TNXB: variants seen among roughly 807,000 people sequenced by gnomAD.
TNXB encodes the protein tenascin XB, also known as tenascin-X.
A neutral mutation model predicts 340.5 loss-of-function variants in TNXB; 183 were observed. That is an observed-to-expected ratio of 0.54 (90% CI 0.48 to 0.61). TNXB has a LOEUF of 0.61. TNXB is among the 20% of genes least tolerant of loss of function. The pLI is 0.00. For missense variants in TNXB, 4,613 were observed against 5,446.4 expected, an observed-to-expected ratio of 0.85 and a Z score of 4.82; for synonymous variants, 2,121 against 2,314.5, an observed-to-expected ratio of 0.92 and a Z score of 2.40.
intron 28 of TNXB, among the ~76,000 whole-genome samples, chr6:32,048,944 G>T (rs1777079666): frequency 1.3e-5 from 2 of 152,220 alleles, no homozygotes; most frequent in Admixed American, 1.3e-4. Flanking sequence ...GGCACATGCA[G>T]ATCTGGGCAG....
chr6:32,048,610 C>CT lies in TNXB; in HGVS notation c.9797_9798insA (p.Glu3267GlyfsTer24). On this transcript the variant is annotated frameshift_variant, in exon 29 of 44. Coordinates refer to ENST00000644971, the MANE Select transcript of TNXB (RefSeq NM_001365276.2). LOFTEE classifies it high-confidence loss of function. Reference sequence around the variant, plus strand: ...AGGTCACGGCCGCCACCGCCAGCTCCCCCAGGCGGGGCTCCACCGGCAGTG... The same window carrying CT: ...AGGTCACGGCCGCCACCGCCAGCTCCTCCCAGGCGGGGCTCCACCGGCAGTG... 6.5e-7 allele frequency: 1 copy of CT among 1,528,796 alleles called. No individual in the cohort carries two copies. The highest frequency in any genetic ancestry group is 8.8e-7 in the Non-Finnish European group (1 of 1,131,816). The allele number at this position is 1,528,796 out of a possible 1,614,324, so 94.7% of individuals were successfully genotyped here.
rs1322966457 is a variant in TNXB, at chr6:32,075,580, A to T, written c.4376-1628T>A. Among the ~76,000 whole-genome samples the T allele has an allele frequency of 6.6e-6, 1 of 151,836 alleles. No individual in the cohort carries two copies. The highest frequency in any genetic ancestry group is 2.4e-5 in the African/African-American group (1 of 41,298). On this transcript the variant is annotated intron_variant, in intron 11 of 43. Transcript: ENST00000644971. The surrounding 1 kb of genome is among the most constrained non-coding windows in gnomAD (Gnocchi z 4.6). ...GCTCTGCTTTTCCCCACCACTCATC[A>T]CTGTCACATCCGGTGCCACTGACAT...
rs893163518 is a variant in TNXB at position 32,074,057 on chromosome 6, C to T, written c.4376-105G>A. 4.4e-5 allele frequency: 49 copies of T among 1,119,970 alleles called. No homozygotes were observed. The African/African-American group carries it at 4.5e-4, about 10-fold the overall frequency. 69.4% of individuals were successfully genotyped at this position (1,119,970 alleles called of 1,614,324 possible). ...ATTTTTTATTTTTGAGATGGAGTCT[C>T]GCTGTCACCCAGAGCAGTGGGCGAC... On this transcript the variant is annotated intron_variant, in intron 11 of 43. Transcript: ENST00000644971. The surrounding 1 kb of genome is among the most constrained non-coding windows in gnomAD (Gnocchi z 5.5).
chr6:32,069,241 C>T lies in TNXB; in HGVS notation c.5588-105G>A, dbSNP rs567582562. On this transcript the variant is annotated intron_variant, in intron 15 of 43. Coordinates refer to ENST00000644971, the MANE Select transcript of TNXB (RefSeq NM_001365276.2). This position sits in a 1 kb window ranked among gnomAD's most constrained non-coding sequence, Gnocchi z 6.2. ...GGAGTGAGGGCAAGCAGTCAGCAAT[C>T]GAAAGACCAGCTTTTGCTGCACATG... The T allele has an allele frequency of 3.4e-6, 4 of 1,170,518 alleles. No homozygotes were observed. The highest frequency in any genetic ancestry group is 2.5e-5 in the East Asian group (1 of 39,276). The allele number at this position is 1,170,518 out of a possible 1,614,324, so 72.5% of individuals were successfully genotyped here.
rs1780035193 is a variant in TNXB, at chr6:32,090,744, C to T, written c.2359-1365G>A. ...ATAGGACCTCCAGCCCTCTCCTATT[C>T]ACCCTGCCTTAGAATACCCCAGCCT... On this transcript the variant is annotated intron_variant, in intron 4 of 43. Coordinates refer to ENST00000644971, the MANE Select transcript of TNXB (RefSeq NM_001365276.2). This position sits in a 1 kb window ranked among gnomAD's most constrained non-coding sequence, Gnocchi z 4.3. 6.6e-6 allele frequency among the ~76,000 whole-genome samples: 1 copy of T among 152,142 alleles called. No individual in the cohort carries two copies. The highest frequency in any genetic ancestry group is 2.4e-5 in the African/African-American group (1 of 41,408).
Position 32,096,800 on chromosome 6 carries a change from G to A in TNXB, c.1053C>T (p.Arg351=). Residue 351 remains arginine (R), a synonymous_variant, in exon 3 of 44, where the codon CGC becomes CGT. Transcript: ENST00000644971. ...AGCACACGCAGCGGCCGTCCACGCAGCGCCCGCCCTCGCCACAGTCCCAGG... is the reference window on the plus strand; with the variant it reads ...AGCACACGCAGCGGCCGTCCACGCAACGCCCGCCCTCGCCACAGTCCCAGG... The part of the protein sequence containing the change: ...SCPWDCGEGG[R]CVDGRCVCWP... The A allele has an allele frequency of 6.3e-7, 1 of 1,586,182 alleles. No homozygotes were observed. Among genetic ancestry groups the A allele is most frequent in the Non-Finnish European group, 8.6e-7 (1 of 1,167,588 alleles).
chr6:32,042,883 G>A lies in TNXB; in HGVS notation c.11926-52C>T, dbSNP rs1248089216. The A allele has an allele frequency of 7.0e-6, 3 of 428,616 alleles. No homozygotes were observed. The African/African-American group carries it at 1.9e-4, about 27-fold the overall frequency. The allele number at this position is 428,616 out of a possible 1,614,324, so 26.6% of individuals were successfully genotyped here. ...GGGAGAGGGAGGTGGAGACCCTCCG[G>A]GAGGGCCAGAGGCAGCACCTCCTGG... is the stretch of plus-strand genomic sequence containing the variant. On this transcript the variant is annotated intron_variant, in intron 38 of 43. Coordinates refer to ENST00000644971, the MANE Select transcript of TNXB (RefSeq NM_001365276.2).
In TNXB at chr6:32,095,905, G is replaced by A. The variant is rs773316282; in HGVS notation, c.1948C>T (p.Arg650Cys). ...PGYTGPTCAT[R>C]MCPADCRGRG... ...CCCCGGCAGTCAGCCGGGCACATGC[G>A]GGTGGCACAGGTAGGGCCGGTGTAG... Residue 650 changes from arginine to cysteine, a missense_variant, in exon 3 of 44, where the codon CGC becomes TGC. Physicochemically the swap from Arg to Cys is radical, Grantham distance 180. Around this residue, in one of 7 missense-constraint regions of TNXB, gnomAD observed 4,327 missense variants for 4,859.4 expected, o/e 0.89. Coordinates refer to ENST00000644971, the MANE Select transcript of TNXB (RefSeq NM_001365276.2). 3 of 1,612,522 alleles carry A rather than the reference G, an allele frequency of 1.9e-6. No homozygotes were observed. Among genetic ancestry groups the A allele is most frequent in the Admixed American group, 1.7e-5 (1 of 59,892 alleles).
At chr6:32,059,478 T>C (rs1171583007) in intron 21 of TNXB, among the ~76,000 whole-genome samples, 2 of 61,944 alleles carry the variant, frequency 3.2e-5, no homozygotes, top group Non-Finnish European at 6.2e-5. Flanking sequence ...CAATTAATAA[T>C]AGAGTGTGGG....
chr6:32,098,939 ACTCT>A (rs1328863451), intron 1 of TNXB, among the ~76,000 whole-genome samples: 1 of 152,024 alleles, frequency 6.6e-6, no homozygotes, highest in Non-Finnish European at 1.5e-5. Flanking sequence ...GTCTTCCATT[ACTCT>A]CTATCACAAT....
intron 1 of TNXB, 60 bp from the exon 2 acceptor site, chr6:32,098,266 C>A: frequency 7.4e-7 from 1 of 1,356,880 alleles, no homozygotes; most frequent in Non-Finnish European, 9.8e-7. Flanking sequence ...ATGAATCCCC[C>A]CTTCTCCAGC....
In TNXB at chr6:32,097,933, G is replaced by T; in HGVS notation, c.266C>A (p.Pro89Gln). 6 of 1,592,836 alleles carry T rather than the reference G, an allele frequency of 3.8e-6. No individual in the cohort carries two copies. Among genetic ancestry groups the T allele is most frequent in the Non-Finnish European group, 5.1e-6 (6 of 1,166,568 alleles). ...AGCAAGGACTGGGGGCTCGGTGCCTGGGGGACAGCCACAGCCAGTGGAAGG... is the reference window on the plus strand; with the variant it reads ...AGCAAGGACTGGGGGCTCGGTGCCTTGGGGACAGCCACAGCCAGTGGAAGG... Reference protein sequence around the residue: ...LPPSTGCGCPPGTEPPVLASE... With the variant: ...LPPSTGCGCPQGTEPPVLASE... The change falls in exon 2 of 44, where the codon CCA becomes CAA. Residue 89 changes from proline to glutamine, a missense_variant. Transcript: ENST00000644971. The surrounding 1 kb of genome is among the most constrained non-coding windows in gnomAD (Gnocchi z 5.9).
Position 32,083,228 on chromosome 6 carries a change from G to A in TNXB, c.3446-902C>T, listed in dbSNP as rs1779578477. ...TCCCTGGTTCTGCCCCTCCCTGCAA[G>A]TCACTCCGCAAGCTACCCTGTGGGC... On this transcript the variant is annotated intron_variant, in intron 8 of 43. Coordinates refer to ENST00000644971, the MANE Select transcript of TNXB (RefSeq NM_001365276.2). The surrounding 1 kb of genome is among the most constrained non-coding windows in gnomAD (Gnocchi z 4.6). Among the ~76,000 whole-genome samples the A allele has an allele frequency of 1.3e-5, 2 of 152,112 alleles. No individual in the cohort carries two copies. The highest frequency in any genetic ancestry group is 1.3e-4 in the Admixed American group (2 of 15,272).
At position 32,067,122 on chromosome 6, in the gene TNXB, A is replaced by AG. The variant is rs1360902735; in HGVS notation, c.6544+538dup. On this transcript the variant is annotated intron_variant, in intron 18 of 43. Coordinates refer to ENST00000644971, the MANE Select transcript of TNXB (RefSeq NM_001365276.2). The surrounding 1 kb of genome is among the most constrained non-coding windows in gnomAD (Gnocchi z 4.2). Reference sequence around the variant, plus strand: ...GAAAGAAAGAAAGAAAGAGAAAGAAAGAAAGGAAGGAAGAAAGAAAGAAAG... The same window carrying AG: ...GAAAGAAAGAAAGAAAGAGAAAGAAAGGAAAGGAAGGAAGAAAGAAAGAAAG... Among the ~76,000 whole-genome samples, 462 of 138,394 alleles carry AG rather than the reference A, an allele frequency of 3.3e-3. 7 individuals are homozygous for AG. The highest frequency in any genetic ancestry group is 0.012 in the African/African-American group (428 of 34,706). 90.8% of individuals were successfully genotyped at this position (138,394 alleles called of 152,430 possible). A position where few individuals can be genotyped will look rare whatever the true frequency, so the allele number is the denominator to read the frequency against.
rs892926587 is a variant in TNXB, at chr6:32,042,452, C to T, written c.12210+3G>A. 2 of 1,611,824 alleles carry T rather than the reference C, an allele frequency of 1.2e-6. No homozygotes were observed. Among genetic ancestry groups the T allele is most frequent in the African/African-American group, 2.7e-5 (2 of 74,186 alleles). On this transcript the variant is annotated splice_donor_region_variant and intron_variant, in intron 40 of 43. Coordinates refer to ENST00000644971, the MANE Select transcript of TNXB (RefSeq NM_001365276.2). ...GACCCCTGGGCTTCCCAATGCCACC[C>T]ACCAGCCAGCCGCCCCCATCAGTCT...
Position 32,096,262 on chromosome 6 carries a change from C to T in TNXB, c.1591G>A (p.Asp531Asn), listed in dbSNP as rs771301786. Residue 531 changes from aspartate to asparagine, a missense_variant, in exon 3 of 44, where the codon GAC (aspartate) becomes AAC (asparagine). Asp to Asn is a conservative substitution (Grantham distance 23, BLOSUM62 1). Coordinates refer to ENST00000644971, the MANE Select transcript of TNXB (RefSeq NM_001365276.2). ...TCGCAAAGGCCGTGCCCACGGCAGT[C>T]CCCGGGACAGCGACGGCTCCCACAG... ...EDCGSRRCPGDCRGHGLCEDG... is the reference protein window; with the variant it reads ...EDCGSRRCPGNCRGHGLCEDG... 3.8e-6 allele frequency: 6 copies of T among 1,564,340 alleles called. No homozygotes were observed. The highest frequency in any genetic ancestry group is 8.6e-7 in the Non-Finnish European group (1 of 1,159,012).
rs761023688 is a variant in TNXB, at chr6:32,073,277, G to A, written c.4681+370C>T. On this transcript the variant is annotated intron_variant, in intron 12 of 43. Transcript: ENST00000644971. The surrounding 1 kb of genome is among the most constrained non-coding windows in gnomAD (Gnocchi z 4.6). ...TTCGCCTCAACAAAAAAGGGCAGAAGCAGGAGGTGGCAGCTGTGTCCAAGT... is the reference window on the plus strand; with the variant it reads ...TTCGCCTCAACAAAAAAGGGCAGAAACAGGAGGTGGCAGCTGTGTCCAAGT... Among the ~76,000 whole-genome samples, 3 of 152,206 alleles carry A rather than the reference G, an allele frequency of 2.0e-5. No homozygotes were observed. The highest frequency in any genetic ancestry group is 6.5e-5 in the Admixed American group (1 of 15,284).
At chr6:32,078,999 AG>A (rs1475259278) in intron 11 of TNXB, 33 bp downstream of exon 11, 2 of 1,585,226 alleles carry the variant, frequency 1.3e-6, no homozygotes, top group South Asian at 2.2e-5. Context: ...CAGCAGTGGG[AG>A]GGAACCAAAG....
Position 32,097,599 on chromosome 6 carries a change from C to A in TNXB, c.404-150G>T. ...CAGTTGCTAGTATGTGTAATGTATG[C>A]AGCCTCTCAGGGCCCTCGCATATGC... is the stretch of plus-strand genomic sequence containing the variant. On this transcript the variant is annotated intron_variant, in intron 2 of 43. Transcript: ENST00000644971. This position sits in a 1 kb window ranked among gnomAD's most constrained non-coding sequence, Gnocchi z 5.9. 8.9e-7 allele frequency: 1 copy of A among 1,125,966 alleles called. No individual in the cohort carries two copies. The highest frequency in any genetic ancestry group is 1.2e-6 in the Non-Finnish European group (1 of 814,518). The allele number at this position is 1,125,966 out of a possible 1,614,324, so 69.7% of individuals were successfully genotyped here.
Sources: allele counts gnomAD v4.1 joint callset (sites outside exome capture counted in the v4.1 genomes callset), GRCh38; gene constraint gnomAD v4.1.1; regional missense constraint gnomAD v4.1.1; non-coding constraint Gnocchi (gnomAD v3.1); transcripts MANE v1.5; gene names NCBI Gene and HGNC (gene_info 2026-07-23, HGNC 2026-07-21).